ROCK2: variants seen among roughly 807,000 people sequenced by gnomAD.
The protein encoded by ROCK2 is rho-associated protein kinase 2.
ROCK2 carries 61 observed loss-of-function variants against 195.1 expected under a neutral mutation model. That is an observed-to-expected ratio of 0.31 (90% CI 0.25 to 0.39). The LOEUF is 0.39. Ranked by LOEUF, ROCK2 falls within the 10% of genes least tolerant of loss-of-function variation. ROCK2 has a pLI of 1.00. For synonymous variants in ROCK2, 504 were observed against 545.5 expected (o/e 0.92, Z 1.06); for missense variants, 1,109 against 1,637.4 (o/e 0.68, Z 5.57).
intron 1 of ROCK2, among the ~76,000 whole-genome samples, chr2:11,310,704 C>T (rs1668005693): frequency 6.6e-6 from 1 of 152,014 alleles, no homozygotes; most frequent in Non-Finnish European, 1.5e-5. Context: ...TCATAAAATT[C>T]ATAAAAATAA....
intron 12 of ROCK2, among the ~76,000 whole-genome samples, chr2:11,216,803 C>T (rs1664446536): frequency 6.6e-6 from 1 of 152,178 alleles, no homozygotes; most frequent in Non-Finnish European, 1.5e-5. Context: ...CAGCTCACTG[C>T]AACCTCTGCC....
chr2:11,291,838 A>T (rs1667372477), intron 1 of ROCK2, among the ~76,000 whole-genome samples: 1 of 152,236 alleles, frequency 6.6e-6, no homozygotes, highest in South Asian at 2.1e-4. Context: ...TCAAGTACAG[A>T]GTCCTGGGAT....
intron 1 of ROCK2, among the ~76,000 whole-genome samples, chr2:11,317,598 ATATATATATATATATT>A (rs1454341129): frequency 6.3e-5 from 1 of 15,772 alleles, no homozygotes; most frequent in African/African-American, 2.0e-4. Context: ...ATATATATAT[ATATATATATATATATT>A]TTTTTTTTTT....
intron 12 of ROCK2, among the ~76,000 whole-genome samples, chr2:11,216,560 G>C (rs1664436518): frequency 6.7e-6 from 1 of 150,298 alleles, no homozygotes; most frequent in Admixed American, 6.6e-5. Context: ...GCCCAGGCTG[G>C]AGTGCAGTGG....
intron 4 of ROCK2, among the ~76,000 whole-genome samples, chr2:11,249,118 A>T (rs1279457449): frequency 6.6e-6 from 1 of 152,068 alleles, no homozygotes; most frequent in Non-Finnish European, 1.5e-5. Flanking sequence ...CGATGGTCTC[A>T]ATCTCCTGAC....
chr2:11,190,045 G>A (rs1663358948), intron 32 of ROCK2, among the ~76,000 whole-genome samples: 1 of 151,992 alleles, frequency 6.6e-6, no homozygotes, highest in African/African-American at 2.4e-5. Context: ...TCATGTAAGA[G>A]ATACAGACAC....
At chr2:11,312,030 C>T (rs1260387652) in intron 1 of ROCK2, among the ~76,000 whole-genome samples, 2 of 152,086 alleles carry the variant, frequency 1.3e-5, no homozygotes, top group Admixed American at 6.5e-5. Flanking sequence ...AGAATCCAGC[C>T]GTCGTTTCAT....
intron 3 of ROCK2, among the ~76,000 whole-genome samples, chr2:11,277,137 T>C (rs1295583841): frequency 6.6e-6 from 1 of 152,204 alleles, no homozygotes; most frequent in Non-Finnish European, 1.5e-5. Context: ...AAAGCAATAT[T>C]CATACATTAC....
In ROCK2 at chr2:11,277,904, T is replaced by C. The variant is rs951586116; in HGVS notation, c.324+8635A>G. On this transcript the variant is annotated intron_variant, in intron 3 of 32. Coordinates refer to ENST00000315872, the MANE Select transcript of ROCK2 (RefSeq NM_004850.5). ...TGTCTTATGGAATCATAGAGCATGA[T>C]TTACAGGCAGGATTCCTCATTTAGC... is the stretch of plus-strand genomic sequence containing the variant. Among the ~76,000 whole-genome samples, 4 of 152,230 alleles carry C rather than the reference T, an allele frequency of 2.6e-5. No homozygotes were observed. In the East Asian group the frequency reaches 7.7e-4, roughly 29 times the overall value.
chr2:11,262,624 G>A (rs996939203), intron 3 of ROCK2, among the ~76,000 whole-genome samples: 4 of 152,144 alleles, frequency 2.6e-5, no homozygotes, highest in Admixed American at 6.5e-5. Context: ...CTCTTTGCCT[G>A]CTGCCATCCA....
chr2:11,193,962 C>G, intron 29 of ROCK2, 105 bp from the exon 30 acceptor site: 1 of 518,386 alleles, frequency 1.9e-6, no homozygotes, highest in Non-Finnish European at 3.2e-6. Flanking sequence ...TACTTTGACC[C>G]ATGTTAGGAA....
chr2:11,269,988 A>G (rs1259802416), intron 3 of ROCK2, among the ~76,000 whole-genome samples: 1 of 152,186 alleles, frequency 6.6e-6, no homozygotes, highest in Non-Finnish European at 1.5e-5. Flanking sequence ...TCCTGGCCTC[A>G]AGCAATCCTT....
intron 4 of ROCK2, 108 bp from the exon 5 acceptor site, chr2:11,236,070 T>TGGTTATAGTTTA: frequency 9.4e-7 from 1 of 1,058,600 alleles, no homozygotes; most frequent in South Asian, 2.5e-5. Flanking sequence ...GCAAACTATT[T>TGGTTATAGTTTA]TATAACCAAA....
At chr2:11,231,684 T>C (rs1293885467) in intron 5 of ROCK2, among the ~76,000 whole-genome samples, 3 of 148,734 alleles carry the variant, frequency 2.0e-5, no homozygotes, top group African/African-American at 7.5e-5. Flanking sequence ...TTTAGATAAG[T>C]TTTTTTTTTC....
At chr2:11,286,739 T>C in intron 2 of ROCK2, 100 bp from the exon 3 acceptor site, 1 of 733,422 alleles carries the variant, frequency 1.4e-6, no homozygotes. Context: ...AAAGACAGTT[T>C]TTAGCTAAAC....
intron 20 of ROCK2, among the ~76,000 whole-genome samples, chr2:11,206,362 C>T (rs1664051242): frequency 6.6e-6 from 1 of 151,942 alleles, no homozygotes; most frequent in Non-Finnish European, 1.5e-5. Context: ...GGAAACACAA[C>T]CTAGATGATT....
chr2:11,225,291 C>A (rs937747814), intron 6 of ROCK2, among the ~76,000 whole-genome samples: 11 of 152,164 alleles, frequency 7.2e-5, no homozygotes. Flanking sequence ...TGCCAGTACA[C>A]CTACACTACA....
In ROCK2 at chr2:11,189,199, G is replaced by T. The variant is rs116979711; in HGVS notation, c.4163+2949C>A. ...CAAAGCCAAACTTTGTTTTAAGAAG[G>T]ATACCATGTCAAATTAGTTCAACTA... On this transcript the variant is annotated intron_variant, in intron 32 of 32. Coordinates refer to ENST00000315872, the MANE Select transcript of ROCK2 (RefSeq NM_004850.5). Among the ~76,000 whole-genome samples, 6 of 152,218 alleles carry T rather than the reference G, an allele frequency of 3.9e-5. No homozygotes were observed. The East Asian group carries it at 1.2e-3, about 29-fold the overall frequency.
At chr2:11,221,516 T>C (rs542866223) in intron 8 of ROCK2, among the ~76,000 whole-genome samples, 159 bp from the exon 9 acceptor site, 1 of 152,316 alleles carries the variant, frequency 6.6e-6, no homozygotes, top group African/African-American at 2.4e-5. Flanking sequence ...TTTTGTAATT[T>C]ATTGCTATAT....
Sources: allele counts gnomAD v4.1 joint callset (sites outside exome capture counted in the v4.1 genomes callset), GRCh38; gene constraint gnomAD v4.1.1; transcripts MANE v1.5; gene names NCBI Gene and HGNC (gene_info 2026-07-23, HGNC 2026-07-21).